The following SPOCK3 variants were observed in gnomAD, a reference collection of about 807,000 sequenced individuals.
SPOCK3 encodes SPARC (osteonectin), cwcv and kazal like domains proteoglycan 3.
Under a neutral mutation model 56.6 loss-of-function variants are expected in SPOCK3, and 30 were observed. The observed-to-expected ratio is 0.53, with a 90% confidence interval of 0.40 to 0.72. The LOEUF is 0.72. Among genes scored for constraint, SPOCK3 ranks in the 30% least tolerant of loss-of-function variants. The pLI is 0.00. For synonymous variants in SPOCK3, 196 were observed against 183.3 expected (o/e 1.07, Z -0.56); for missense variants, 527 against 530.0 (o/e 0.99, Z 0.06).
At chr4:167,076,768 A>G (rs571370744) in intron 2 of SPOCK3, among the ~76,000 whole-genome samples, 49 of 151,942 alleles carry the variant, frequency 3.2e-4, no homozygotes, top group Non-Finnish European at 6.5e-4. Context: ...TATTTTTTGC[A>G]TTAGCCAATA....
chr4:166,927,887 G>GA (rs544727262), intron 4 of SPOCK3, among the ~76,000 whole-genome samples: 11 of 150,448 alleles, frequency 7.3e-5, no homozygotes, highest in East Asian at 3.9e-4. Context: ...TCAACAATAA[G>GA]AAAAAAAAAT....
chr4:166,915,937 C>A (rs1737800234), intron 4 of SPOCK3, among the ~76,000 whole-genome samples: 1 of 152,278 alleles, frequency 6.6e-6, no homozygotes, highest in Non-Finnish European at 1.5e-5. Flanking sequence ...GGCTGAAAAA[C>A]TCTGAACATT....
intron 4 of SPOCK3, among the ~76,000 whole-genome samples, chr4:166,982,946 GT>G (rs1746748245): frequency 1.3e-5 from 2 of 152,156 alleles, no homozygotes; most frequent in African/African-American, 2.4e-5. Context: ...TCTTCCCTAA[GT>G]TCTTTCCTGA....
At chr4:167,229,826 T>A (rs1313426514) in intron 2 of SPOCK3, among the ~76,000 whole-genome samples, 6 of 152,094 alleles carry the variant, frequency 3.9e-5, no homozygotes, top group Non-Finnish European at 1.5e-5. Flanking sequence ...ACGTTAAATA[T>A]ACCCAAAGGA....
intron 6 of SPOCK3, among the ~76,000 whole-genome samples, chr4:166,792,857 G>A (rs924075713): frequency 2.0e-5 from 3 of 151,960 alleles, no homozygotes; most frequent in African/African-American, 7.2e-5. Flanking sequence ...ATTTAAGAAA[G>A]TACTATAATG....
chr4:167,059,858 T>C (rs1755382953), intron 3 of SPOCK3, among the ~76,000 whole-genome samples: 1 of 152,176 alleles, frequency 6.6e-6, no homozygotes, highest in Admixed American at 6.5e-5. Flanking sequence ...TATAGCGACA[T>C]GGATGAAATT....
chr4:167,116,625 A>ATATACTATATACGTGTATATATACACG (rs1554038945), intron 2 of SPOCK3, among the ~76,000 whole-genome samples: 1 of 125,216 alleles, frequency 8.0e-6, no homozygotes, highest in Non-Finnish European at 1.6e-5. Context: ...ATATATATAC[A>ATATACTATATACGTGTATATATACACG]TATATACTAT....
At chr4:167,220,378 C>CTTT (rs61002914) in intron 2 of SPOCK3, among the ~76,000 whole-genome samples, 14 of 130,016 alleles carry the variant, frequency 1.1e-4, no homozygotes, top group South Asian at 2.4e-4. Flanking sequence ...ACTGTAAGAA[C>CTTT]TTTTTTTTTT....
At chr4:166,749,700 T>C (rs1010398776) in intron 8 of SPOCK3, among the ~76,000 whole-genome samples, 41 of 152,232 alleles carry the variant, frequency 2.7e-4, no homozygotes, top group African/African-American at 9.9e-4. Flanking sequence ...TAAAATCTTG[T>C]ATAATTAGTA....
intron 5 of SPOCK3, among the ~76,000 whole-genome samples, chr4:166,907,476 CA>C (rs1202754395): frequency 6.6e-6 from 1 of 152,094 alleles, no homozygotes; most frequent in Non-Finnish European, 1.5e-5. Context: ...AGCTTCTTTG[CA>C]AGTGTCTTTT....
intron 2 of SPOCK3, among the ~76,000 whole-genome samples, chr4:167,066,624 C>A (rs1403560893): frequency 6.6e-6 from 1 of 151,640 alleles, no homozygotes; most frequent in Non-Finnish European, 1.5e-5. Flanking sequence ...GGGTTTTTTT[C>A]TCCAAAATAT....
chr4:166,871,640 T>C (rs1009583944), intron 6 of SPOCK3, among the ~76,000 whole-genome samples: 1 of 151,642 alleles, frequency 6.6e-6, no homozygotes, highest in African/African-American at 2.4e-5. Flanking sequence ...AAAAAACAAT[T>C]ACAAATTCTG....
At chr4:167,105,201 A>G (rs1759999166) in intron 2 of SPOCK3, among the ~76,000 whole-genome samples, 1 of 152,006 alleles carries the variant, frequency 6.6e-6, no homozygotes, top group Non-Finnish European at 1.5e-5. Flanking sequence ...TAGAAAGACT[A>G]AATGATGAAC....
At chr4:166,998,758 T>A (rs979072083) in intron 4 of SPOCK3, among the ~76,000 whole-genome samples, 2 of 152,120 alleles carry the variant, frequency 1.3e-5, no homozygotes, top group African/African-American at 4.8e-5. Flanking sequence ...TCTCTAGAAC[T>A]TGTGATAAAA....
At chr4:166,763,865 C>T (rs748589331) in intron 7 of SPOCK3, among the ~76,000 whole-genome samples, 9 of 152,106 alleles carry the variant, frequency 5.9e-5, no homozygotes, top group Non-Finnish European at 8.8e-5. Flanking sequence ...TAAGTAACAT[C>T]AATTCATTAT....
chr4:166,772,523 C>T (rs892949553), intron 7 of SPOCK3, among the ~76,000 whole-genome samples: 1 of 151,606 alleles, frequency 6.6e-6, no homozygotes, highest in Non-Finnish European at 1.5e-5. Context: ...CCATCTAATA[C>T]AATCAAATCT....
At chr4:166,787,027 A>G (rs1245488035) in intron 7 of SPOCK3, among the ~76,000 whole-genome samples, 1 of 152,190 alleles carries the variant, frequency 6.6e-6, no homozygotes, top group Non-Finnish European at 1.5e-5. Flanking sequence ...GAAGTCATTC[A>G]TTAACTTTCC....
chr4:167,039,993 T>C (rs1350637627), intron 3 of SPOCK3, among the ~76,000 whole-genome samples: 2 of 152,206 alleles, frequency 1.3e-5, no homozygotes, highest in East Asian at 3.8e-4. Context: ...CTTGAGTTAA[T>C]TAATTTTTCC....
chr4:167,138,937 T>C (rs1763321391), intron 2 of SPOCK3, among the ~76,000 whole-genome samples: 1 of 151,982 alleles, frequency 6.6e-6, no homozygotes, highest in Admixed American at 6.6e-5. Flanking sequence ...ATTAATATGA[T>C]TTATCATTAA....
Sources: allele counts gnomAD v4.1 joint callset (sites outside exome capture counted in the v4.1 genomes callset), GRCh38; gene constraint gnomAD v4.1.1; transcripts MANE v1.5; gene names NCBI Gene and HGNC (gene_info 2026-07-23, HGNC 2026-07-21).